Variants in ATP2A1 observed in about 807,000 individuals in gnomAD.
The protein encoded by ATP2A1 is ATPase sarcoplasmic/endoplasmic reticulum Ca2+ transporting 1, also known as sarcoplasmic/endoplasmic reticulum calcium ATPase 1.
In ATP2A1, 83 loss-of-function variants were observed where a neutral mutation model predicts 109.5. The observed-to-expected ratio is 0.76, with a 90% CI of 0.63 to 0.91. ATP2A1 has a LOEUF of 0.91. Ranked by LOEUF, ATP2A1 falls within the 40% of genes least tolerant of loss-of-function variation. The pLI is 0.00. For synonymous variants in ATP2A1, 505 were observed against 537.6 expected, an observed-to-expected ratio of 0.94 and a Z score of 0.84; for missense variants, 1,101 against 1,341.0, an observed-to-expected ratio of 0.82 and a Z score of 2.80.
chr16:28,887,150 A>G, intron 6 of ATP2A1, 39 bp from the exon 7 acceptor site: 12 of 1,597,084 alleles, frequency 7.5e-6, no homozygotes, highest in Non-Finnish European at 9.4e-6. Flanking sequence ...GGAGAAGGAC[A>G]TGATGTCATC....
At chr16:28,894,400 T>C in intron 10 of ATP2A1, 105 bp from the exon 11 acceptor site, 1 of 1,317,886 alleles carries the variant, frequency 7.6e-7, no homozygotes, top group East Asian at 2.5e-5. Flanking sequence ...CTCCCCACTG[T>C]CCTTCCTTAC....
Position 28,880,200 on chromosome 16 carries a change from C to A in ATP2A1, c.219+617C>A. 1.1e-6 allele frequency: 1 copy of A among 893,694 alleles called. No homozygotes were observed. Among genetic ancestry groups the A allele is most frequent in the Non-Finnish European group, 1.3e-6 (1 of 742,984 alleles). The allele number at this position is 893,694 out of a possible 1,614,324, so 55.4% of individuals were successfully genotyped here. ...CCCGCAGGGCATCTCCAGGGCTCTG[C>A]CTCCTCTCCCGCCCTGGGGGCTACT... On this transcript the variant is annotated intron_variant, in intron 3 of 22. Transcript: ENST00000395503. The surrounding 1 kb of genome is among the most constrained non-coding windows in gnomAD (Gnocchi z 4.2).
At chr16:28,896,851 G>A (rs1463176908) in intron 12 of ATP2A1, among the ~76,000 whole-genome samples, 1 of 149,794 alleles carries the variant, frequency 6.7e-6, no homozygotes, top group Non-Finnish European at 1.5e-5. Context: ...GTGCCACCAC[G>A]CCTGGCTGAT....
chr16:28,886,982 A>G (rs1963629548), intron 6 of ATP2A1, among the ~76,000 whole-genome samples: 1 of 149,352 alleles, frequency 6.7e-6, no homozygotes, highest in African/African-American at 2.5e-5. Context: ...ACAAGACTGC[A>G]ACTCTGTCTC....
At position 28,903,854 on chromosome 16, in the gene ATP2A1, C is replaced by T; in HGVS notation, c.*37+113C>T. 1 of 1,045,882 alleles carries T rather than the reference C, an allele frequency of 9.6e-7. No homozygotes were observed. The highest frequency in any genetic ancestry group is 1.5e-6 in the Non-Finnish European group (1 of 673,932). 64.8% of individuals were successfully genotyped at this position (1,045,882 alleles called of 1,614,324 possible). ...CTTGTGCTCGCAGCTCCACCTGGAGCCGTTGCCACTGCTGCTGCTGCGCTT... is the reference window on the plus strand; with the variant it reads ...CTTGTGCTCGCAGCTCCACCTGGAGTCGTTGCCACTGCTGCTGCTGCGCTT... On this transcript the variant is annotated intron_variant, in intron 22 of 22. Coordinates refer to ENST00000395503, the MANE Select transcript of ATP2A1 (RefSeq NM_004320.6). This position sits in a 1 kb window ranked among gnomAD's most constrained non-coding sequence, Gnocchi z 5.6.
intron 15 of ATP2A1, among the ~76,000 whole-genome samples, chr16:28,901,307 CAA>C (rs1409519107): frequency 9.0e-5 from 11 of 122,862 alleles, no homozygotes. Context: ...TCAGCCTGGG[CAA>C]TAGAGTGAGA....
At chr16:28,890,483 C>T (rs1448972285) in intron 9 of ATP2A1, among the ~76,000 whole-genome samples, 2 of 150,118 alleles carry the variant, frequency 1.3e-5, no homozygotes, top group East Asian at 2.0e-4. Context: ...CCCTGTCTCA[C>T]GCACAAAAAA....
In ATP2A1 at chr16:28,884,593, C is replaced by T; in HGVS notation, c.482C>T (p.Ala161Val). Residue 161 changes from alanine to valine, a missense_variant, in exon 6 of 23, where the codon GCA becomes GTA. Physicochemically the swap from Ala to Val is moderately conservative, Grantham distance 64. Transcript: ENST00000395503. ...TCCACAGTGGGGGACAAAGTCCCTG[C>T]AGACATCCGAATCCTCGCCATCAAA... ...VEVAVGDKVP[A>V]DIRILAIKST... is the part of the protein sequence containing the mutation. 6.2e-7 allele frequency: 1 copy of T among 1,613,746 alleles called. No individual in the cohort carries two copies. The highest frequency in any genetic ancestry group is 8.5e-7 in the Non-Finnish European group (1 of 1,179,958).
rs1259314585 is a variant in ATP2A1, at chr16:28,887,230, G to C, written c.586G>C (p.Asp196His). The C allele has an allele frequency of 1.4e-5, 22 of 1,613,764 alleles. No homozygotes were observed. The highest frequency in any genetic ancestry group is 2.7e-5 in the African/African-American group (2 of 74,812). ...CATCAAACACACGGAGCCCGTTCCT[G>C]ACCCCCGAGCTGTCAACCAGGACAA... is the stretch of plus-strand genomic sequence containing the variant. ...SVIKHTEPVP[D>H]PRAVNQDKKN... is the part of the protein sequence containing the mutation. The change falls in exon 7 of 23, where the codon GAC (aspartate) becomes CAC (histidine). Residue 196 changes from aspartate (D) to histidine (H), a missense_variant. Coordinates refer to ENST00000395503, the MANE Select transcript of ATP2A1 (RefSeq NM_004320.6).
chr16:28,898,350 G>C lies in ATP2A1; in HGVS notation c.1663G>C (p.Gly555Arg). The part of the protein sequence containing the change: ...IMAVIKEWGT[G>R]RDTLRCLALA... ...GGCGGTGATCAAGGAGTGGGGCACTGGCCGGGACACCCTGCGCTGCTTGGC... is the reference window on the plus strand; with the variant it reads ...GGCGGTGATCAAGGAGTGGGGCACTCGCCGGGACACCCTGCGCTGCTTGGC... Residue 555 changes from glycine to arginine, a missense_variant, in exon 14 of 23, where the codon GGC (glycine) becomes CGC (arginine). Physicochemically the swap from Gly to Arg is moderately radical, Grantham distance 125 (BLOSUM62 -2). Transcript: ENST00000395503. The surrounding 1 kb of genome is among the most constrained non-coding windows in gnomAD (Gnocchi z 4.0). 1.2e-6 allele frequency: 2 copies of C among 1,614,208 alleles called. No homozygotes were observed. The highest frequency in any genetic ancestry group is 1.7e-6 in the Non-Finnish European group (2 of 1,180,042).
Position 28,883,629 on chromosome 16 carries a change from T to C in ATP2A1, c.464-946T>C, listed in dbSNP as rs868814675. On this transcript the variant is annotated intron_variant, in intron 5 of 22. Coordinates refer to ENST00000395503, the MANE Select transcript of ATP2A1 (RefSeq NM_004320.6). The surrounding 1 kb of genome is among the most constrained non-coding windows in gnomAD (Gnocchi z 5.2). ...ATTCTTAGCCTCCTCCTAAGGTCTC[T>C]GAGTCTGGCTGGGCATCCACCTCTC... is the stretch of plus-strand genomic sequence containing the variant. 6.6e-6 allele frequency among the ~76,000 whole-genome samples: 1 copy of C among 152,146 alleles called. No individual in the cohort carries two copies. The highest frequency in any genetic ancestry group is 2.4e-5 in the African/African-American group (1 of 41,406).
At position 28,880,915 on chromosome 16, in the gene ATP2A1, G is replaced by A. The variant is rs1267505171; in HGVS notation, c.220G>A (p.Val74Met). 2 of 1,614,004 alleles carry A rather than the reference G, an allele frequency of 1.2e-6. No individual in the cohort carries two copies. The highest frequency in any genetic ancestry group is 8.5e-7 in the Non-Finnish European group (1 of 1,179,862). Residue 74 changes from valine (V) to methionine (M), a missense_variant and splice_region_variant, in exon 4 of 23, where the codon GTG becomes ATG. By Grantham distance (21) the Val-to-Met change is conservative. Coordinates refer to ENST00000395503, the MANE Select transcript of ATP2A1 (RefSeq NM_004320.6). The surrounding 1 kb of genome is among the most constrained non-coding windows in gnomAD (Gnocchi z 4.2). The stretch of plus-strand genomic sequence containing the variant: ...CATTCTCCTTTCCCCTGCTCCCCAG[G>A]TGCTGGCCTGGTTTGAGGAAGGTGA... ...ILLLAACISF[V>M]LAWFEEGEET...
At chr16:28,899,017 C>A (rs1181053474) in intron 14 of ATP2A1, among the ~76,000 whole-genome samples, 1 of 151,990 alleles carries the variant, frequency 6.6e-6, no homozygotes, top group Non-Finnish European at 1.5e-5. Flanking sequence ...CACACACACA[C>A]AAAAGAGAGA....
Position 28,880,037 on chromosome 16 carries a change from C to T in ATP2A1, c.219+454C>T. ...GCTGATTGGTCGAGGGGAGGACTCG[C>T]TCCTAGTGGCGGGAAAGCGCGGCGG... On this transcript the variant is annotated intron_variant, in intron 3 of 22. Coordinates refer to ENST00000395503, the MANE Select transcript of ATP2A1 (RefSeq NM_004320.6). The surrounding 1 kb of genome is among the most constrained non-coding windows in gnomAD (Gnocchi z 4.2). The T allele has an allele frequency of 3.0e-6, 3 of 1,004,838 alleles. No homozygotes were observed. Among genetic ancestry groups the T allele is most frequent in the Non-Finnish European group, 3.6e-6 (3 of 844,954 alleles). The allele number at this position is 1,004,838 out of a possible 1,614,324, so 62.2% of individuals were successfully genotyped here. A position where few individuals can be genotyped will look rare whatever the true frequency, so the allele number is the denominator to read the frequency against.
Position 28,894,256 on chromosome 16 carries a change from G to A in ATP2A1, c.1184+13G>A, listed in dbSNP as rs1401143232. 2 of 1,611,526 alleles carry A rather than the reference G, an allele frequency of 1.2e-6. No individual in the cohort carries two copies. The highest frequency in any genetic ancestry group is 1.1e-5 in the South Asian group (1 of 90,878). On this transcript the variant is annotated intron_variant, in intron 10 of 22. Transcript: ENST00000395503. ...CAGAGGGAGAGGTGTAAGTCACCCA[G>A]GCATCTTCTCCCCAGCTCCTCACGC...
chr16:28,894,414 C>G (rs1357723270), intron 10 of ATP2A1, 91 bp from the exon 11 acceptor site: 2 of 1,367,060 alleles, frequency 1.5e-6, no homozygotes, highest in Non-Finnish European at 2.0e-6. Context: ...TCCTTACCCT[C>G]TGCTGCCTGC....
intron 12 of ATP2A1, among the ~76,000 whole-genome samples, chr16:28,895,693 GAAAGAAAAAAA>G (rs762283834): frequency 6.7e-6 from 1 of 149,612 alleles, no homozygotes; most frequent in East Asian, 2.0e-4. Flanking sequence ...AACAAAGAAA[GAAAGAAAAAAA>G]AAAGAAAAAA....
rs753160368 is a variant in ATP2A1 at position 28,887,469 on chromosome 16, C to T, written c.675C>T (p.Thr225=). ...GCAAGGCCTTGGGCATCGTGGCCAC[C>T]ACTGGTGTGGGCACCGAGATTGGGA... is the stretch of plus-strand genomic sequence containing the variant. The part of the protein sequence containing the change: ...AAGKALGIVA[T]TGVGTEIGKI... The change falls in exon 8 of 23, where the codon ACC becomes ACT. Residue 225 remains threonine, a synonymous_variant. Coordinates refer to ENST00000395503, the MANE Select transcript of ATP2A1 (RefSeq NM_004320.6). 1.2e-6 allele frequency: 2 copies of T among 1,613,966 alleles called. No individual in the cohort carries two copies. Among genetic ancestry groups the T allele is most frequent in the Non-Finnish European group, 1.7e-6 (2 of 1,180,028 alleles).
rs147341039 is a variant in ATP2A1, at chr16:28,887,216, C to T, written c.572C>T (p.Thr191Met). The change falls in exon 7 of 23, where the codon ACG (threonine) becomes ATG (methionine). Residue 191 changes from threonine (T) to methionine (M), a missense_variant. Thr to Met is a moderately conservative substitution (Grantham distance 81). Coordinates refer to ENST00000395503, the MANE Select transcript of ATP2A1 (RefSeq NM_004320.6). ...TGESVSVIKH[T>M]EPVPDPRAVN... ...GAGTCTGTATCTGTCATCAAACACA[C>T]GGAGCCCGTTCCTGACCCCCGAGCT... 29 of 1,613,800 alleles carry T rather than the reference C, an allele frequency of 1.8e-5. No individual in the cohort carries two copies. In the African/African-American group the frequency reaches 2.0e-4, roughly 11 times the overall value.
Sources: gnomAD v4.1 joint callset for allele counts (sites outside exome capture counted in the v4.1 genomes callset) on GRCh38, gnomAD v4.1.1 for gene constraint, Gnocchi (gnomAD v3.1) non-coding constraint, MANE v1.5 for transcripts, NCBI Gene and HGNC (gene_info 2026-07-23, HGNC 2026-07-21) for gene names.